The following TMEFF1 variants were observed in gnomAD, a reference collection of about 807,000 sequenced individuals.
TMEFF1 encodes the protein transmembrane protein with EGF like and two follistatin like domains 1.
Under a neutral mutation model 47.5 loss-of-function variants are expected in TMEFF1, and 20 were observed. The observed-to-expected ratio is 0.42, with a 90% CI of 0.30 to 0.61. The LOEUF is 0.61. TMEFF1 is among the 20% of genes least tolerant of loss of function. The pLI is 0.19. For synonymous variants in TMEFF1, 162 were observed against 166.3 expected (o/e 0.97, Z 0.20); for missense variants, 411 against 471.1 (o/e 0.87, Z 1.18).
At chr9:100,520,829 A>G (rs1345093541) in intron 5 of TMEFF1, among the ~76,000 whole-genome samples, 2 of 152,260 alleles carry the variant, frequency 1.3e-5, no homozygotes, top group East Asian at 3.8e-4. Context: ...GTCTCATGAC[A>G]AGGAATCAGT....
chr9:100,577,467 T>C lies in TMEFF1; in HGVS notation c.*867T>C, dbSNP rs1343729094. Reference sequence around the variant, plus strand: ...TCCTGTAGTAATAGATTAATATTCATAGATTGTTGGTGTTTAAAGATCTGA... The same window carrying C: ...TCCTGTAGTAATAGATTAATATTCACAGATTGTTGGTGTTTAAAGATCTGA... On this transcript the variant is annotated 3_prime_UTR_variant, in exon 10 of 10. Coordinates refer to ENST00000374879, the MANE Select transcript of TMEFF1 (RefSeq NM_003692.5). 1 of 152,604 alleles carries C rather than the reference T, an allele frequency of 6.6e-6. No individual in the cohort carries two copies. The highest frequency in any genetic ancestry group is 2.4e-5 in the African/African-American group (1 of 41,462). 9.5% of individuals were successfully genotyped at this position (152,604 alleles called of 1,614,324 possible).
chr9:100,540,230 C>G (rs528867770), intron 5 of TMEFF1, among the ~76,000 whole-genome samples: 1 of 151,766 alleles, frequency 6.6e-6, no homozygotes, highest in African/African-American at 2.4e-5. Context: ...AAGTCCCCAC[C>G]GGATTAGCTA....
chr9:100,547,274 C>G (rs1007125541), intron 5 of TMEFF1, among the ~76,000 whole-genome samples: 1 of 152,072 alleles, frequency 6.6e-6, no homozygotes. Flanking sequence ...CCTTGGCCTC[C>G]CGAAGTGTTG....
In TMEFF1 at chr9:100,473,354, A is replaced by T; in HGVS notation, c.-191A>T. 3.3e-6 allele frequency: 1 copy of T among 304,304 alleles called. No individual in the cohort carries two copies. Among genetic ancestry groups the T allele is most frequent in the Non-Finnish European group, 5.5e-6 (1 of 180,624 alleles). The allele number at this position is 304,304 out of a possible 1,614,324, so 18.9% of individuals were successfully genotyped here. ...CCCTCGCACGCGCCCGGACCCGCCG[A>T]CTCCGTCCCGAGCGCCGCGGGCCCG... is the stretch of plus-strand genomic sequence containing the variant. On this transcript the variant is annotated 5_prime_UTR_variant, in exon 1 of 10. Transcript: ENST00000374879. This position sits in a 1 kb window ranked among gnomAD's most constrained non-coding sequence, Gnocchi z 5.4.
At chr9:100,527,383 G>A (rs974227060) in intron 5 of TMEFF1, among the ~76,000 whole-genome samples, 1 of 152,194 alleles carries the variant, frequency 6.6e-6, no homozygotes, top group African/African-American at 2.4e-5. Flanking sequence ...GTGGGTGCGC[G>A]CACAGTGCGT....
At chr9:100,541,371 C>CT (rs1838626146) in intron 5 of TMEFF1, among the ~76,000 whole-genome samples, 6 of 112,298 alleles carry the variant, frequency 5.3e-5, no homozygotes, top group African/African-American at 1.4e-4. Flanking sequence ...TTCTTTCTTT[C>CT]TTTCTTTTTT....
rs1475636760 is a variant in TMEFF1 at position 100,525,069 on chromosome 9, T to C, written c.560+8298T>C. Among the ~76,000 whole-genome samples, 3 of 152,144 alleles carry C rather than the reference T, an allele frequency of 2.0e-5. No homozygotes were observed. In the South Asian group the frequency reaches 6.2e-4, roughly 31 times the overall value. ...GTAATGATGGCCATCCACACAGCTG[T>C]CTATAGAGTTAAACTATTTCATTGT... is the stretch of plus-strand genomic sequence containing the variant. On this transcript the variant is annotated intron_variant, in intron 5 of 9. Transcript: ENST00000374879.
At chr9:100,491,605 C>T (rs760952967) in intron 1 of TMEFF1, among the ~76,000 whole-genome samples, 1 of 152,060 alleles carries the variant, frequency 6.6e-6, no homozygotes, top group Non-Finnish European at 1.5e-5. Flanking sequence ...TTTGAAGACT[C>T]GAAGTGGTGG....
intron 5 of TMEFF1, among the ~76,000 whole-genome samples, chr9:100,543,638 GGAA>G: frequency 6.7e-6 from 1 of 149,522 alleles, no homozygotes; most frequent in Admixed American, 6.7e-5. Context: ...GGGCCACATT[GGAA>G]GAAGAATAAT....
intron 2 of TMEFF1, among the ~76,000 whole-genome samples, chr9:100,500,424 C>T (rs1017164960): frequency 1.3e-5 from 2 of 152,044 alleles, no homozygotes; most frequent in Non-Finnish European, 2.9e-5. Context: ...GTCCCTGATA[C>T]TCTGTTCATT....
intron 7 of TMEFF1, among the ~76,000 whole-genome samples, chr9:100,551,144 A>G (rs1838821337): frequency 6.6e-6 from 1 of 152,246 alleles, no homozygotes; most frequent in South Asian, 2.1e-4. Flanking sequence ...GCACCATTAA[A>G]AGATATGTGA....
chr9:100,496,107 A>C (rs930756485), intron 1 of TMEFF1, among the ~76,000 whole-genome samples: 1 of 152,324 alleles, frequency 6.6e-6, no homozygotes, highest in Non-Finnish European at 1.5e-5. Context: ...GTTTTTAGTG[A>C]AAATCATTCT....
intron 1 of TMEFF1, among the ~76,000 whole-genome samples, chr9:100,493,746 T>C (rs184330606): frequency 3.6e-4 from 55 of 152,300 alleles, no homozygotes; most frequent in Non-Finnish European, 5.9e-5. Context: ...GTAATCATCA[T>C]AATCATTGAC....
intron 5 of TMEFF1, among the ~76,000 whole-genome samples, chr9:100,540,474 G>C (rs996995883): frequency 3.9e-5 from 6 of 152,208 alleles, no homozygotes; most frequent in Non-Finnish European, 7.3e-5. Context: ...GCAGGCACCA[G>C]CCGGCCTTGC....
At chr9:100,572,952 G>A (rs1321421529) in intron 9 of TMEFF1, among the ~76,000 whole-genome samples, 1 of 151,364 alleles carries the variant, frequency 6.6e-6, no homozygotes, top group East Asian at 1.9e-4. Flanking sequence ...TTTGAACACT[G>A]TATTCTGGGA....
rs368330390 is a variant in TMEFF1, at chr9:100,572,544, A to G, written c.926A>G (p.His309Arg). ...CRCESGYTGQ[H>R]CEKTDFSILY... ...TGTGAATCTGGCTACACTGGACAGC[A>G]CTGTGAAAAGACAGACTTTAGTATT... The change falls in exon 9 of 10, where the codon CAC becomes CGC. Residue 309 changes from histidine to arginine, a missense_variant. By Grantham distance (29) the His-to-Arg change is conservative. Transcript: ENST00000374879. The G allele has an allele frequency of 3.7e-6, 6 of 1,612,648 alleles. No homozygotes were observed. In the African/African-American group the frequency reaches 6.7e-5, roughly 18 times the overall value.
intron 4 of TMEFF1, among the ~76,000 whole-genome samples, chr9:100,515,087 G>C (rs1190481923): frequency 6.6e-6 from 1 of 152,170 alleles, no homozygotes; most frequent in African/African-American, 2.4e-5. Context: ...GATTGCTTGA[G>C]CCCAGGAGGT....
In TMEFF1 at chr9:100,508,990, T is replaced by G. The variant is rs764179624; in HGVS notation, c.307-15T>G. 3.8e-6 allele frequency: 6 copies of G among 1,558,556 alleles called. No homozygotes were observed. The Admixed American group carries it at 8.2e-5, about 21-fold the overall frequency. ...CATGCCTAGTTCTGAGAATTTATTT[T>G]TGTTGCTTTTGCAGTGCCATACAAA... On this transcript the variant is annotated splice_polypyrimidine_tract_variant and intron_variant, in intron 2 of 9. Coordinates refer to ENST00000374879, the MANE Select transcript of TMEFF1 (RefSeq NM_003692.5).
At chr9:100,489,893 G>A (rs1027430812) in intron 1 of TMEFF1, among the ~76,000 whole-genome samples, 1 of 152,150 alleles carries the variant, frequency 6.6e-6, no homozygotes, top group Non-Finnish European at 1.5e-5. Flanking sequence ...GATTGGCGAG[G>A]CCTGGAAAGA....
Sources: gnomAD v4.1 joint callset for allele counts (sites outside exome capture counted in the v4.1 genomes callset) on GRCh38, gnomAD v4.1.1 for gene constraint, Gnocchi (gnomAD v3.1) non-coding constraint, MANE v1.5 for transcripts, NCBI Gene and HGNC (gene_info 2026-07-23, HGNC 2026-07-21) for gene names.